Variants in CCDC7 observed in about 807,000 individuals in gnomAD.
CCDC7 encodes the protein coiled-coil domain-containing protein 7.
Under a neutral mutation model 196.9 loss-of-function variants are expected in CCDC7, and 183 were observed. That is an observed-to-expected ratio of 0.93 (90% confidence interval 0.82 to 1.05). The LOEUF (loss-of-function observed/expected upper bound fraction) is 1.05. CCDC7 is among the 50% of genes least tolerant of loss of function. CCDC7 has a pLI of 0.00. For missense variants in CCDC7, 1,540 were observed against 1,482.2 expected (o/e 1.04, Z -0.64); for synonymous variants, 525 against 484.6 (o/e 1.08, Z -1.10).
chr10:32,529,023 A>G (rs1047007465), intron 11 of CCDC7, among the ~76,000 whole-genome samples: 22 of 151,306 alleles, frequency 1.5e-4, no homozygotes, highest in Admixed American at 2.6e-4. Flanking sequence ...ATTTTATTTT[A>G]TGTTATTTTT....
At chr10:32,794,800 C>A (rs1399593344) in intron 29 of CCDC7, among the ~76,000 whole-genome samples, 2 of 152,000 alleles carry the variant, frequency 1.3e-5, no homozygotes, top group Admixed American at 1.3e-4. Context: ...GATTTATGTT[C>A]CTTATAGATT....
intron 29 of CCDC7, among the ~76,000 whole-genome samples, chr10:32,791,153 G>C (rs1044688874): frequency 2.0e-5 from 3 of 151,860 alleles, no homozygotes; most frequent in Admixed American, 2.0e-4. Flanking sequence ...TAAGGAAGCT[G>C]CACAGAGATC....
At chr10:32,674,436 G>T (rs1408976530) in intron 21 of CCDC7, among the ~76,000 whole-genome samples, 5 of 151,786 alleles carry the variant, frequency 3.3e-5, no homozygotes, top group Non-Finnish European at 7.4e-5. Flanking sequence ...TCATACCATT[G>T]TGACTGGAAA....
At chr10:32,737,562 G>A (rs2085069085) in intron 28 of CCDC7, among the ~76,000 whole-genome samples, 1 of 152,134 alleles carries the variant, frequency 6.6e-6, no homozygotes, top group Non-Finnish European at 1.5e-5. Context: ...GATGTGCTAA[G>A]TTCAACTATA....
At chr10:32,586,999 C>T (rs950679969) in intron 18 of CCDC7, among the ~76,000 whole-genome samples, 6 of 152,138 alleles carry the variant, frequency 3.9e-5, no homozygotes, top group African/African-American at 1.4e-4. Context: ...AAGACGTTTT[C>T]TTTTATCCCA....
intron 21 of CCDC7, among the ~76,000 whole-genome samples, chr10:32,677,656 G>A (rs2075233594): frequency 6.6e-6 from 1 of 151,792 alleles, no homozygotes; most frequent in African/African-American, 2.4e-5. Flanking sequence ...TTTTCTTTGA[G>A]TTTTGACAAT....
intron 18 of CCDC7, among the ~76,000 whole-genome samples, chr10:32,620,172 C>T (rs930859453): frequency 6.6e-6 from 1 of 152,070 alleles, no homozygotes; most frequent in African/African-American, 2.4e-5. Context: ...ATCCACCCGT[C>T]TTGACCTCCC....
intron 23 of CCDC7, among the ~76,000 whole-genome samples, chr10:32,689,742 G>GT (rs35995782): frequency 0.12 from 17,071 of 140,676 alleles, 1,137 homozygotes; most frequent in South Asian, 0.29. Context: ...CTGGGCTTGT[G>GT]TTTTTTTTTT....
chr10:32,500,288 G>T (rs890031378), intron 9 of CCDC7, among the ~76,000 whole-genome samples: 1 of 151,822 alleles, frequency 6.6e-6, no homozygotes, highest in African/African-American at 2.4e-5. Context: ...TCACCTCCCA[G>T]ACGGGGCAGC....
At chr10:32,688,636 A>G (rs1352407538) in intron 22 of CCDC7, among the ~76,000 whole-genome samples, 1 of 152,176 alleles carries the variant, frequency 6.6e-6, no homozygotes, top group Non-Finnish European at 1.5e-5. Context: ...GGACCACATT[A>G]TAGCCCATAG....
chr10:32,874,721 CTT>C (rs1473243615), intron 41 of CCDC7, among the ~76,000 whole-genome samples: 14 of 145,866 alleles, frequency 9.6e-5, no homozygotes, highest in African/African-American at 3.3e-4. Flanking sequence ...ATAAATAAAA[CTT>C]TTATATATAT....
chr10:32,754,511 T>G (rs1418962306), intron 28 of CCDC7, among the ~76,000 whole-genome samples: 2 of 152,176 alleles, frequency 1.3e-5, no homozygotes, highest in Non-Finnish European at 2.9e-5. Flanking sequence ...TTGATGAAAT[T>G]TTATAAATAT....
intron 28 of CCDC7, among the ~76,000 whole-genome samples, chr10:32,755,514 T>G (rs1478678719): frequency 6.6e-6 from 1 of 151,938 alleles, no homozygotes; most frequent in Admixed American, 6.6e-5. Context: ...TCAAGCAAAC[T>G]CCAACAGACC....
chr10:32,816,927 G>T (rs549131278), intron 31 of CCDC7, among the ~76,000 whole-genome samples: 2 of 152,280 alleles, frequency 1.3e-5, no homozygotes, highest in African/African-American at 4.8e-5. Context: ...AAATCAGAGT[G>T]CCTCTCCTCC....
chr10:32,827,576 T>C (rs1006362602), intron 32 of CCDC7, among the ~76,000 whole-genome samples: 2 of 144,842 alleles, frequency 1.4e-5, no homozygotes, highest in Non-Finnish European at 3.0e-5. Flanking sequence ...TTCTCACTCA[T>C]AGATGGGAGT....
intron 11 of CCDC7, among the ~76,000 whole-genome samples, chr10:32,524,255 A>G (rs1318204863): frequency 6.6e-6 from 1 of 152,130 alleles, no homozygotes; most frequent in Non-Finnish European, 1.5e-5. Context: ...AACAGAATAC[A>G]CGTGGAAAGA....
At chr10:32,466,434 C>G (rs764420545) in intron 5 of CCDC7, among the ~76,000 whole-genome samples, 1 of 152,162 alleles carries the variant, frequency 6.6e-6, no homozygotes, top group Non-Finnish European at 1.5e-5. Context: ...AACCTCCACC[C>G]TCATGTAGAC....
intron 14 of CCDC7, among the ~76,000 whole-genome samples, chr10:32,566,846 G>A (rs189892558): frequency 1.3e-3 from 198 of 148,046 alleles, no homozygotes; most frequent in African/African-American, 4.6e-3. Flanking sequence ...CAGGAGACTA[G>A]AGGTTGCAAA....
intron 20 of CCDC7, among the ~76,000 whole-genome samples, chr10:32,644,502 C>A (rs904623455): frequency 6.6e-6 from 1 of 152,144 alleles, no homozygotes; most frequent in African/African-American, 2.4e-5. Context: ...CTAGGTTCAT[C>A]CATGTTGTTG....
Sources: allele counts gnomAD v4.1 joint callset (sites outside exome capture counted in the v4.1 genomes callset), GRCh38; gene constraint gnomAD v4.1.1; transcripts MANE v1.5; gene names NCBI Gene and HGNC (gene_info 2026-07-23, HGNC 2026-07-21).